Variants in ANXA4 observed in about 807,000 individuals in gnomAD.
The protein encoded by ANXA4 is 35-beta calcimedin.
A neutral mutation model predicts 49.8 loss-of-function variants in ANXA4; 39 were observed. The observed-to-expected ratio is 0.78, with a 90% confidence interval of 0.61 to 1.02. The LOEUF is 1.02. Among genes scored for constraint, ANXA4 ranks in the 50% least tolerant of loss-of-function variants. The pLI, the probability that ANXA4 is intolerant of heterozygous loss-of-function variation, is 0.00. For missense variants in ANXA4, 360 were observed against 410.1 expected (o/e 0.88, Z 1.05); for synonymous variants, 134 against 152.5 (o/e 0.88, Z 0.89).
intron 3 of ANXA4, among the ~76,000 whole-genome samples, chr2:69,790,389 G>A (rs546367960): frequency 3.3e-5 from 5 of 152,210 alleles, no homozygotes; most frequent in Admixed American, 2.6e-4. Context: ...TAGGAGGGCA[G>A]TTTCATTTTC....
intron 6 of ANXA4, chr2:69,809,294 TG>T (rs1333857913): frequency 6.6e-6 from 1 of 152,180 alleles, no homozygotes; most frequent in Non-Finnish European, 1.5e-5. Flanking sequence ...AAGAGCTTTG[TG>T]GGAAGTGTTC....
At chr2:69,672,838 G>A (rs552634818) in intron 2 of ANXA4, among the ~76,000 whole-genome samples, 54 of 152,002 alleles carry the variant, frequency 3.6e-4, no homozygotes, top group African/African-American at 1.2e-3. Context: ...ATTTTATGAC[G>A]CTGGTAGTGG....
At chr2:69,798,369 A>G (rs947080421) in intron 3 of ANXA4, among the ~76,000 whole-genome samples, 4 of 152,226 alleles carry the variant, frequency 2.6e-5, no homozygotes, top group African/African-American at 9.6e-5. Context: ...GATGGGAGAC[A>G]TGGTGACTGC....
chr2:69,746,837 A>G (rs986691724), intron 1 of ANXA4, among the ~76,000 whole-genome samples: 6 of 152,052 alleles, frequency 3.9e-5, no homozygotes, highest in African/African-American at 1.4e-4. Flanking sequence ...GAAAAAAAAA[A>G]AACTATAAAA....
At chr2:69,792,314 AAGAG>A (rs1431384879) in intron 3 of ANXA4, among the ~76,000 whole-genome samples, 3 of 152,346 alleles carry the variant, frequency 2.0e-5, no homozygotes, top group Non-Finnish European at 2.9e-5. Context: ...ATCCCGTGTT[AAGAG>A]AGAAAGTTAA....
chr2:69,739,452 C>T (rs1670328819), upstream of ANXA4, among the ~76,000 whole-genome samples: 1 of 151,940 alleles, frequency 6.6e-6, no homozygotes, highest in South Asian at 2.1e-4. Flanking sequence ...CACTCTGTCA[C>T]CCAGGCTGGA....
rs1183423959 is a variant in ANXA4 at position 69,808,011 on chromosome 2, C to G, written c.397+15C>G. 6.2e-7 allele frequency: 1 copy of G among 1,612,864 alleles called. No homozygotes were observed. The highest frequency in any genetic ancestry group is 1.1e-5 in the South Asian group (1 of 91,046). Reference sequence around the variant, plus strand: ...CTACCAGCAGCGTACGTGACATCCGCAGTGGCCCTGGCTGAGGTTTCGCTG... The same window carrying G: ...CTACCAGCAGCGTACGTGACATCCGGAGTGGCCCTGGCTGAGGTTTCGCTG... On this transcript the variant is annotated intron_variant, in intron 6 of 12. Transcript: ENST00000394295.
At chr2:69,748,831 C>T (rs541625730) in intron 1 of ANXA4, among the ~76,000 whole-genome samples, 12 of 152,010 alleles carry the variant, frequency 7.9e-5, no homozygotes, top group African/African-American at 2.9e-4. Context: ...CCATCTCAGC[C>T]TCCTGGGTAG....
At chr2:69,706,095 T>C (rs1045836353) in intron 2 of ANXA4, among the ~76,000 whole-genome samples, 3 of 151,910 alleles carry the variant, frequency 2.0e-5, no homozygotes, top group Non-Finnish European at 4.4e-5. Flanking sequence ...AATTAAAGTA[T>C]GATGCTGAAT....
At chr2:69,700,738 G>T (rs796935240) in intron 2 of ANXA4, among the ~76,000 whole-genome samples, 4 of 152,112 alleles carry the variant, frequency 2.6e-5, no homozygotes, top group African/African-American at 9.7e-5. Context: ...CACCATTGTT[G>T]GGCATTTAAG....
rs1190947673 is a variant in ANXA4 at position 69,659,890 on chromosome 2, A to G, written n.766+6608A>G. ...CAGTGGGGGCTGGGGAGAAAATGTC[A>G]TAAGTCAAGAACTTGGATTTTAAGG... is the stretch of plus-strand genomic sequence containing the variant. On this transcript the variant is annotated intron_variant and non_coding_transcript_variant, in intron 2 of 3. Transcript: ENST00000418066. Among the ~76,000 whole-genome samples, 8 of 152,236 alleles carry G rather than the reference A, an allele frequency of 5.3e-5. No homozygotes were observed. The South Asian group carries it at 1.0e-3, about 20-fold the overall frequency.
chr2:69,810,316 G>A, intron 6 of ANXA4: 1 of 368,758 alleles, frequency 2.7e-6, no homozygotes, highest in Non-Finnish European at 5.2e-6. Context: ...CTGAGATGGT[G>A]CCACTGCACT....
rs1323693328 is a variant in ANXA4 at position 69,806,248 on chromosome 2, G to A, written c.193-137G>A. On this transcript the variant is annotated intron_variant, in intron 4 of 12. Coordinates refer to ENST00000394295, the MANE Select transcript of ANXA4 (RefSeq NM_001153.5). ...GTGAAAAGGCAAATAACATCTGAGT[G>A]TTATTCTGAGGATAGTTTTGACTTG... The A allele has an allele frequency of 4.8e-6, 3 of 620,546 alleles. No homozygotes were observed. The East Asian group carries it at 8.4e-5, about 17-fold the overall frequency. 38.4% of individuals were successfully genotyped at this position (620,546 alleles called of 1,614,324 possible).
At chr2:69,658,842 G>A (rs934692910) in intron 2 of ANXA4, among the ~76,000 whole-genome samples, 14 of 152,222 alleles carry the variant, frequency 9.2e-5, no homozygotes, top group African/African-American at 2.4e-4. Flanking sequence ...TTACAGGTGC[G>A]CAGCACCACA....
intron 11 of ANXA4, 82 bp from the exon 12 acceptor site, chr2:69,820,617 T>C (rs1004260415): frequency 5.2e-6 from 8 of 1,532,764 alleles, no homozygotes; most frequent in Non-Finnish European, 7.1e-6. Flanking sequence ...CAGTCATCTC[T>C]AGTCTTGCTT....
intron 1 of ANXA4, among the ~76,000 whole-genome samples, chr2:69,757,238 T>TTTTATA (rs1267602375): frequency 6.8e-5 from 4 of 59,066 alleles, no homozygotes; most frequent in African/African-American, 1.9e-4. Flanking sequence ...CATTTTTGTT[T>TTTTATA]TATATATATA....
intron 1 of ANXA4, among the ~76,000 whole-genome samples, chr2:69,750,249 C>A (rs1005412360): frequency 2.0e-5 from 3 of 152,096 alleles, no homozygotes; most frequent in African/African-American, 7.2e-5. Flanking sequence ...TCATATACTT[C>A]CTTATATGTG....
intron 4 of ANXA4, among the ~76,000 whole-genome samples, chr2:69,804,938 C>G (rs944023550): frequency 4.9e-5 from 7 of 143,582 alleles, no homozygotes; most frequent in Middle Eastern, 3.5e-3. Context: ...ATCCTAGCTA[C>G]TTTGTAGGTT....
At chr2:69,679,595 A>C (rs545358381) in intron 2 of ANXA4, among the ~76,000 whole-genome samples, 1 of 152,018 alleles carries the variant, frequency 6.6e-6, no homozygotes, top group South Asian at 2.1e-4. Flanking sequence ...CCTGTGTCCT[A>C]AAGTGTTTTC....
Sources: gnomAD v4.1 joint callset for allele counts (sites outside exome capture counted in the v4.1 genomes callset) on GRCh38, gnomAD v4.1.1 for gene constraint, MANE v1.5 for transcripts, NCBI Gene and HGNC (gene_info 2026-07-23, HGNC 2026-07-21) for gene names.